CNTNAP5: variants seen among roughly 807,000 people sequenced by gnomAD.
CNTNAP5 encodes contactin associated protein family member 5.
Under a neutral mutation model 150.2 loss-of-function variants are expected in CNTNAP5, and 72 were observed. The observed-to-expected ratio is 0.48, with a 90% CI of 0.40 to 0.58. The LOEUF (loss-of-function observed/expected upper bound fraction) is 0.58. Among genes scored for constraint, CNTNAP5 ranks in the 20% least tolerant of loss-of-function variants. The pLI, the probability that CNTNAP5 is intolerant of heterozygous loss-of-function variation, is 0.00. For missense variants in CNTNAP5, 1,636 were observed against 1,626.2 expected (o/e 1.01, Z -0.10); for synonymous variants, 672 against 619.8 (o/e 1.08, Z -1.25).
At chr2:124,352,431 A>G (rs1403505267) in intron 3 of CNTNAP5, among the ~76,000 whole-genome samples, 1 of 152,170 alleles carries the variant, frequency 6.6e-6, no homozygotes, top group Non-Finnish European at 1.5e-5. Context: ...GCACATAAAG[A>G]AGGTGAGTGT....
chr2:124,209,640 G>A (rs75845111), intron 1 of CNTNAP5, among the ~76,000 whole-genome samples: 3,504 of 152,114 alleles, frequency 0.023, 136 homozygotes, highest in African/African-American at 0.078. Context: ...TAACCAACAA[G>A]CAATTGAGCA....
At chr2:124,770,495 A>T (rs1681166857) in intron 16 of CNTNAP5, among the ~76,000 whole-genome samples, 1 of 152,186 alleles carries the variant, frequency 6.6e-6, no homozygotes, top group African/African-American at 2.4e-5. Context: ...AATCTTTAAC[A>T]TTCCTCACCC....
chr2:124,869,743 C>T lies in CNTNAP5; in HGVS notation c.3417C>T (p.Leu1139=), dbSNP rs1270241869. Residue 1139 remains leucine (L), a synonymous_variant, in exon 21 of 24, where the codon CTC becomes CTT. Coordinates refer to ENST00000682447, the MANE Select transcript of CNTNAP5 (RefSeq NM_001367498.1). The part of the protein sequence containing the change: ...PEVEFRVIRS[L]TLGKVTENLG... ...TAGAGTTCAGGGTTATAAGGTCACT[C>T]ACCTTGGGCAAAGTCACAGGTATGT... The T allele has an allele frequency of 2.5e-6, 4 of 1,609,500 alleles. No individual in the cohort carries two copies. Among genetic ancestry groups the T allele is most frequent in the East Asian group, 2.2e-5 (1 of 44,726 alleles).
chr2:124,459,672 C>A (rs1046413006), intron 6 of CNTNAP5, among the ~76,000 whole-genome samples: 4 of 149,970 alleles, frequency 2.7e-5, no homozygotes, highest in African/African-American at 9.8e-5. Flanking sequence ...GCAGGAAAAT[C>A]TCTTGAACCT....
At chr2:124,176,644 TTTGA>T (rs940301418) in intron 1 of CNTNAP5, among the ~76,000 whole-genome samples, 10 of 152,196 alleles carry the variant, frequency 6.6e-5, no homozygotes, top group Admixed American at 3.9e-4. Flanking sequence ...TTCTCCAAAC[TTTGA>T]TTGGACAAAT....
chr2:124,767,390 A>G (rs1473580639), intron 16 of CNTNAP5, among the ~76,000 whole-genome samples: 1 of 152,230 alleles, frequency 6.6e-6, no homozygotes. Flanking sequence ...GTCTTAGTGA[A>G]TGTGTTTTAG....
chr2:124,037,986 G>T (rs1681271756), intron 1 of CNTNAP5, among the ~76,000 whole-genome samples: 1 of 152,112 alleles, frequency 6.6e-6, no homozygotes, highest in Non-Finnish European at 1.5e-5. Context: ...TTCAAACAAG[G>T]TAATTATTGG....
At chr2:124,895,636 GA>G (rs929901541) in intron 21 of CNTNAP5, among the ~76,000 whole-genome samples, 1 of 151,472 alleles carries the variant, frequency 6.6e-6, no homozygotes, top group African/African-American at 2.4e-5. Context: ...AAAAAATAGA[GA>G]AATAGGTGGT....
At chr2:124,392,439 G>A (rs181015188) in intron 3 of CNTNAP5, among the ~76,000 whole-genome samples, 6 of 152,064 alleles carry the variant, frequency 3.9e-5, no homozygotes, top group South Asian at 2.1e-4. Flanking sequence ...TAAATACTCC[G>A]AAAGTAAGTT....
At chr2:124,284,634 A>G (rs1688100393) in intron 3 of CNTNAP5, among the ~76,000 whole-genome samples, 1 of 152,164 alleles carries the variant, frequency 6.6e-6, no homozygotes, top group Non-Finnish European at 1.5e-5. Flanking sequence ...AAATTTTAAA[A>G]AAGAAAAAAG....
intron 8 of CNTNAP5, among the ~76,000 whole-genome samples, chr2:124,511,658 C>T (rs1257785286): frequency 6.6e-6 from 1 of 152,178 alleles, no homozygotes; most frequent in Admixed American, 6.5e-5. Flanking sequence ...TTATTATCTT[C>T]AAAGAAATCA....
At chr2:124,896,776 T>C (rs1047805475) in intron 21 of CNTNAP5, among the ~76,000 whole-genome samples, 1 of 151,432 alleles carries the variant, frequency 6.6e-6, no homozygotes, top group African/African-American at 2.5e-5. Flanking sequence ...TGACTTCAGG[T>C]GATCCACACG....
chr2:124,353,286 CAAAAAAAAAAAA>C (rs565907115), intron 3 of CNTNAP5, among the ~76,000 whole-genome samples: 6 of 88,262 alleles, frequency 6.8e-5, no homozygotes, highest in Admixed American at 1.3e-4. Context: ...AAAAACAGAC[CAAAAAAAAAAAA>C]AAAAAAAAAA....
intron 6 of CNTNAP5, among the ~76,000 whole-genome samples, chr2:124,466,669 G>T (rs1693385381): frequency 6.6e-6 from 1 of 152,106 alleles, no homozygotes; most frequent in Admixed American, 6.6e-5. Flanking sequence ...GAAAATTACT[G>T]GTCAGATGAG....
intron 2 of CNTNAP5, among the ~76,000 whole-genome samples, chr2:124,241,634 A>G (rs892292296): frequency 2.6e-5 from 4 of 152,096 alleles, no homozygotes; most frequent in African/African-American, 9.7e-5. Flanking sequence ...CTCAACAAAC[A>G]TCTGCCGAAT....
chr2:124,460,452 A>G (rs187377892), intron 6 of CNTNAP5, among the ~76,000 whole-genome samples: 1 of 152,320 alleles, frequency 6.6e-6, no homozygotes, highest in Admixed American at 6.5e-5. Context: ...AACACGTATT[A>G]CTTTATAATA....
Position 124,911,461 on chromosome 2 carries a change from T to C in CNTNAP5, c.3656-6T>C, listed in dbSNP as rs1678653557. Reference sequence around the variant, plus strand: ...AGTAAAGTCCCATGTCTTTTACTCCTTTCAGATCCTTTTGGGAAGACAGAT... The same window carrying C: ...AGTAAAGTCCCATGTCTTTTACTCCCTTCAGATCCTTTTGGGAAGACAGAT... On this transcript the variant is annotated splice_region_variant and splice_polypyrimidine_tract_variant and intron_variant, in intron 22 of 23. Transcript: ENST00000682447. 2 of 1,588,666 alleles carry C rather than the reference T, an allele frequency of 1.3e-6. No individual in the cohort carries two copies. The highest frequency in any genetic ancestry group is 1.3e-5 in the African/African-American group (1 of 74,496).
At chr2:124,319,822 C>T (rs1271111984) in intron 3 of CNTNAP5, among the ~76,000 whole-genome samples, 3 of 152,076 alleles carry the variant, frequency 2.0e-5, no homozygotes, top group Non-Finnish European at 4.4e-5. Context: ...GCAAAATTGC[C>T]TCAAGTGAAA....
intron 19 of CNTNAP5, among the ~76,000 whole-genome samples, chr2:124,806,285 A>G (rs1344065135): frequency 2.0e-5 from 3 of 152,208 alleles, no homozygotes; most frequent in South Asian, 2.1e-4. Flanking sequence ...GAAATGCCCT[A>G]TAGAATCCAT....
Sources: gnomAD v4.1 joint callset for allele counts (sites outside exome capture counted in the v4.1 genomes callset) on GRCh38, gnomAD v4.1.1 for gene constraint, MANE v1.5 for transcripts, NCBI Gene and HGNC (gene_info 2026-07-23, HGNC 2026-07-21) for gene names.